The following CSMD3 variants were observed in gnomAD, a reference collection of about 807,000 sequenced individuals.
The protein encoded by CSMD3 is CUB and Sushi multiple domains 3, also known as CUB and sushi domain-containing protein 3.
Under a neutral mutation model 435.2 loss-of-function variants are expected in CSMD3, and 177 were observed. The observed-to-expected ratio is 0.41, with a 90% CI of 0.36 to 0.46. The LOEUF (loss-of-function observed/expected upper bound fraction) is 0.46, where lower values mean the gene tolerates loss of function less well. CSMD3 is among the 20% of genes least tolerant of loss of function. CSMD3 has a pLI of 0.34. For missense variants in CSMD3, 4,265 were observed against 4,504.6 expected, an observed-to-expected ratio of 0.95 and a Z score of 1.52; for synonymous variants, 1,656 against 1,520.5, an observed-to-expected ratio of 1.09 and a Z score of -2.07.
intron 32 of CSMD3, among the ~76,000 whole-genome samples, chr8:112,417,260 G>A (rs1812012547): frequency 6.6e-6 from 1 of 152,060 alleles, no homozygotes; most frequent in Admixed American, 6.6e-5. Context: ...TCAATTTCTG[G>A]AATCAGACTC....
intron 4 of CSMD3, among the ~76,000 whole-genome samples, chr8:113,145,582 A>G (rs2091653951): frequency 2.6e-5 from 4 of 151,624 alleles, no homozygotes; most frequent in South Asian, 2.1e-4. Flanking sequence ...TAATATTAGT[A>G]TTATATTTAT....
chr8:113,339,375 G>T (rs1473829894), intron 1 of CSMD3, among the ~76,000 whole-genome samples: 1 of 151,820 alleles, frequency 6.6e-6, no homozygotes, highest in East Asian at 1.9e-4. Flanking sequence ...TGGCCTAAAG[G>T]TATCAAATAT....
intron 5 of CSMD3, among the ~76,000 whole-genome samples, chr8:113,092,278 T>TA (rs1450039522): frequency 1.3e-5 from 2 of 152,100 alleles, no homozygotes; most frequent in African/African-American, 4.8e-5. Context: ...CTACTGTATC[T>TA]ATCTGTGCCA....
At chr8:113,134,639 T>C (rs2091368489) in intron 4 of CSMD3, among the ~76,000 whole-genome samples, 1 of 152,102 alleles carries the variant, frequency 6.6e-6, no homozygotes, top group African/African-American at 2.4e-5. Flanking sequence ...GAAATATTTA[T>C]AATTTTGTAA....
intron 25 of CSMD3, among the ~76,000 whole-genome samples, chr8:112,554,066 C>A (rs186551998): frequency 2.6e-4 from 40 of 152,064 alleles, no homozygotes; most frequent in African/African-American, 9.6e-4. Flanking sequence ...TCAGCAACTC[C>A]TGCCTCAGTT....
chr8:113,289,964 A>G (rs1178242842), intron 2 of CSMD3, among the ~76,000 whole-genome samples: 1 of 151,740 alleles, frequency 6.6e-6, no homozygotes, highest in Non-Finnish European at 1.5e-5. Flanking sequence ...TGAAATTTAC[A>G]CAACTTTTAT....
intron 13 of CSMD3, among the ~76,000 whole-genome samples, chr8:112,776,297 C>A (rs896879868): frequency 6.6e-6 from 1 of 151,656 alleles, no homozygotes; most frequent in Non-Finnish European, 1.5e-5. Context: ...GTATTTTACC[C>A]CATTATTGAA....
intron 13 of CSMD3, among the ~76,000 whole-genome samples, chr8:112,693,204 A>T (rs2076176573): frequency 1.3e-5 from 2 of 152,082 alleles, no homozygotes; most frequent in Non-Finnish European, 2.9e-5. Context: ...TAAACAAATA[A>T]TGTCTTATTT....
intron 45 of CSMD3, among the ~76,000 whole-genome samples, chr8:112,327,144 G>T (rs1823592341): frequency 6.6e-6 from 1 of 152,156 alleles, no homozygotes; most frequent in Non-Finnish European, 1.5e-5. Context: ...TATATAATAT[G>T]TAAGTGTCTG....
chr8:112,351,394 AAAGTAAGAAAGGTGATTAT>A (rs1473263666), intron 39 of CSMD3, 150 bp from the exon 40 acceptor site: 2 of 599,384 alleles, frequency 3.3e-6, no homozygotes, highest in Non-Finnish European at 6.0e-6. Flanking sequence ...TAGCATGATT[AAAGTAAGAAAGGTGATTAT>A]ATACACCTAT....
intron 5 of CSMD3, among the ~76,000 whole-genome samples, chr8:113,044,735 C>T (rs1694759051): frequency 6.7e-6 from 1 of 149,184 alleles, no homozygotes; most frequent in South Asian, 2.1e-4. Flanking sequence ...TTTACACCAT[C>T]TCATCCTTTT....
intron 38 of CSMD3, among the ~76,000 whole-genome samples, chr8:112,365,323 T>C (rs1042285406): frequency 1.3e-5 from 2 of 152,088 alleles, no homozygotes; most frequent in Non-Finnish European, 2.9e-5. Flanking sequence ...TGTTAGGTAA[T>C]TTTTGTTAGC....
intron 4 of CSMD3, among the ~76,000 whole-genome samples, chr8:113,158,438 T>C (rs1357049653): frequency 6.6e-6 from 1 of 152,036 alleles, no homozygotes. Context: ...TTTTTTCAAG[T>C]GATAAAATAC....
At chr8:112,439,771 C>T (rs1814783795) in intron 32 of CSMD3, among the ~76,000 whole-genome samples, 2 of 152,056 alleles carry the variant, frequency 1.3e-5, no homozygotes, top group African/African-American at 2.4e-5. Flanking sequence ...AAAGGTCCCT[C>T]ACCAAACCAT....
chr8:112,520,655 G>C (rs977347411), intron 27 of CSMD3, among the ~76,000 whole-genome samples: 5 of 151,926 alleles, frequency 3.3e-5, no homozygotes, highest in African/African-American at 9.7e-5. Context: ...AGAAAAGAAA[G>C]AGGCAAGGTT....
At chr8:113,094,745 T>A (rs1001189515) in intron 5 of CSMD3, among the ~76,000 whole-genome samples, 11 of 152,122 alleles carry the variant, frequency 7.2e-5, no homozygotes, top group African/African-American at 2.4e-4. Flanking sequence ...AGGACACTGA[T>A]CTGATTGTTA....
intron 10 of CSMD3, among the ~76,000 whole-genome samples, chr8:112,889,273 A>G (rs16884187): frequency 0.014 from 2,124 of 151,762 alleles, 55 homozygotes; most frequent in African/African-American, 0.049. Context: ...TACCCTGATG[A>G]TATTCAGCTG....
chr8:112,424,752 C>T (rs949974806), intron 32 of CSMD3, among the ~76,000 whole-genome samples: 4 of 152,008 alleles, frequency 2.6e-5, no homozygotes, highest in Non-Finnish European at 5.9e-5. Context: ...AGTACAGTGG[C>T]GTGATCTCGG....
intron 3 of CSMD3, among the ~76,000 whole-genome samples, chr8:113,192,707 T>G (rs2092603257): frequency 6.6e-6 from 1 of 151,612 alleles, no homozygotes; most frequent in Non-Finnish European, 1.5e-5. Flanking sequence ...TTCTTATTTC[T>G]ATAGAAAATC....
Sources: allele counts gnomAD v4.1 joint callset (sites outside exome capture counted in the v4.1 genomes callset), GRCh38; gene constraint gnomAD v4.1.1; transcripts MANE v1.5; gene names NCBI Gene and HGNC (gene_info 2026-07-23, HGNC 2026-07-21).